SPOCK1: variants seen among roughly 807,000 people sequenced by gnomAD.
SPOCK1 encodes the protein SPARC (osteonectin), cwcv and kazal like domains proteoglycan 1.
Under a neutral mutation model 55.3 loss-of-function variants are expected in SPOCK1, and 23 were observed. That is an observed-to-expected ratio of 0.42 (90% CI 0.30 to 0.59). SPOCK1 has a LOEUF of 0.59. SPOCK1 is among the 20% of genes least tolerant of loss of function. SPOCK1 has a pLI of 0.22. For missense variants in SPOCK1, 499 were observed against 552.5 expected (o/e 0.90, Z 0.97); for synonymous variants, 226 against 221.0 (o/e 1.02, Z -0.20).
intron 3 of SPOCK1, among the ~76,000 whole-genome samples, chr5:137,158,090 AC>A: frequency 6.6e-6 from 1 of 152,222 alleles, no homozygotes; most frequent in East Asian, 1.9e-4. Flanking sequence ...TTGCCACAAA[AC>A]TTTATGGGCA....
chr5:137,484,886 T>A (rs2141481), intron 2 of SPOCK1, among the ~76,000 whole-genome samples: 59,507 of 152,008 alleles, frequency 0.39, 11,767 homozygotes, highest in East Asian at 0.46. Flanking sequence ...GAATAGCACC[T>A]TACTAAAATG....
At chr5:137,091,103 A>T (rs1580745805) in intron 5 of SPOCK1, among the ~76,000 whole-genome samples, 1 of 152,178 alleles carries the variant, frequency 6.6e-6, no homozygotes, top group African/African-American at 2.4e-5. Context: ...GAGTTGGCTA[A>T]AGAGGGTGCA....
At chr5:137,216,705 C>T (rs772413695) in intron 3 of SPOCK1, among the ~76,000 whole-genome samples, 2 of 145,848 alleles carry the variant, frequency 1.4e-5, no homozygotes, top group East Asian at 2.0e-4. Context: ...AGGAAGACTT[C>T]GTCTAAAAAA....
intron 4 of SPOCK1, among the ~76,000 whole-genome samples, chr5:137,114,917 A>T (rs1016644536): frequency 2.0e-5 from 3 of 152,258 alleles, no homozygotes; most frequent in Non-Finnish European, 2.9e-5. Flanking sequence ...ATAACCATGT[A>T]AAATGATGAC....
intron 2 of SPOCK1, among the ~76,000 whole-genome samples, chr5:137,404,293 G>A (rs1752047031): frequency 6.6e-6 from 1 of 152,188 alleles, no homozygotes; most frequent in African/African-American, 2.4e-5. Flanking sequence ...ATCATGGGCT[G>A]GTGTGCTCAA....
At chr5:137,072,092 G>A (rs1026510066) in intron 5 of SPOCK1, among the ~76,000 whole-genome samples, 10 of 152,140 alleles carry the variant, frequency 6.6e-5, no homozygotes, top group Non-Finnish European at 1.2e-4. Flanking sequence ...CAGCTCTGCT[G>A]GAAAGAAACA....
chr5:137,198,192 T>C (rs1169651143), intron 3 of SPOCK1, among the ~76,000 whole-genome samples: 1 of 152,256 alleles, frequency 6.6e-6, no homozygotes, highest in East Asian at 1.9e-4. Context: ...AGTATCAAAA[T>C]TAATCCATCA....
chr5:137,467,435 G>A (rs903453920), intron 2 of SPOCK1, among the ~76,000 whole-genome samples: 15 of 152,172 alleles, frequency 9.9e-5, no homozygotes, highest in African/African-American at 3.1e-4. Flanking sequence ...GTACCTACTT[G>A]GTGCCAAGCT....
At chr5:137,216,480 G>A (rs1755718098) in intron 3 of SPOCK1, among the ~76,000 whole-genome samples, 1 of 152,212 alleles carries the variant, frequency 6.6e-6, no homozygotes, top group Non-Finnish European at 1.5e-5. Flanking sequence ...GGAGGCCAAG[G>A]CGGGTGGATC....
intron 3 of SPOCK1, among the ~76,000 whole-genome samples, chr5:137,152,881 A>G (rs1052316908): frequency 1.3e-5 from 2 of 152,216 alleles, no homozygotes; most frequent in Non-Finnish European, 2.9e-5. Context: ...ACAAAATACC[A>G]TTCCATTCTT....
At chr5:137,021,636 T>C (rs1425543314) in intron 6 of SPOCK1, among the ~76,000 whole-genome samples, 1 of 152,208 alleles carries the variant, frequency 6.6e-6, no homozygotes, top group Non-Finnish European at 1.5e-5. Context: ...AGCCTAACTG[T>C]ATTCACAATA....
rs185243435 is a variant in SPOCK1 at position 136,992,884 on chromosome 5, C to T, written c.590-284G>A. The T allele has an allele frequency of 2.1e-4, 62 of 301,912 alleles. No homozygotes were observed. In the East Asian group the frequency reaches 3.3e-3, roughly 16 times the overall value. The allele number at this position is 301,912 out of a possible 1,614,324, so 18.7% of individuals were successfully genotyped here. A position where few individuals can be genotyped will look rare whatever the true frequency, so the allele number is the denominator to read the frequency against. Reference sequence around the variant, plus strand: ...AGTGGTCTCACCGTTGTGTAGCATCCTCAGAAGACAGACAATCACAGATCA... The same window carrying T: ...AGTGGTCTCACCGTTGTGTAGCATCTTCAGAAGACAGACAATCACAGATCA... On this transcript the variant is annotated intron_variant, in intron 6 of 10. Transcript: ENST00000394945.
chr5:137,261,846 G>A (rs891082990), intron 3 of SPOCK1, among the ~76,000 whole-genome samples: 2 of 152,158 alleles, frequency 1.3e-5, no homozygotes, highest in South Asian at 4.1e-4. Flanking sequence ...TCCTCTAGTG[G>A]AACTTCATAG....
At chr5:137,104,225 T>C (rs1424054028) in intron 5 of SPOCK1, among the ~76,000 whole-genome samples, 1 of 152,124 alleles carries the variant, frequency 6.6e-6, no homozygotes, top group Non-Finnish European at 1.5e-5. Context: ...GATCTGTTTG[T>C]TCAAAAGTGT....
At chr5:137,372,399 C>T (rs182053687) in intron 2 of SPOCK1, among the ~76,000 whole-genome samples, 10 of 152,334 alleles carry the variant, frequency 6.6e-5, no homozygotes, top group Non-Finnish European at 7.3e-5. Flanking sequence ...TGGATGCAAA[C>T]CCCTTCCTGC....
rs372326252 is a variant in SPOCK1, at chr5:137,275,764, A to G, written c.187-8709T>C. On this transcript the variant is annotated intron_variant, in intron 2 of 10. Coordinates refer to ENST00000394945, the MANE Select transcript of SPOCK1 (RefSeq NM_004598.4). ...TCTAAGAGTCTCCAGCTCATTAGAC[A>G]GCACCTCTGTCCACCTGCTGCTGAG... 1.4e-4 allele frequency among the ~76,000 whole-genome samples: 22 copies of G among 152,304 alleles called. No individual in the cohort carries two copies. The East Asian group carries it at 3.3e-3, about 23-fold the overall frequency.
intron 4 of SPOCK1, among the ~76,000 whole-genome samples, chr5:137,132,364 C>T (rs1018614984): frequency 6.6e-6 from 1 of 152,040 alleles, no homozygotes; most frequent in Non-Finnish European, 1.5e-5. Context: ...ATGGAAATCA[C>T]ACCTAGTAAT....
chr5:137,224,947 T>C (rs749194047), intron 3 of SPOCK1, among the ~76,000 whole-genome samples: 12 of 152,138 alleles, frequency 7.9e-5, no homozygotes, highest in Non-Finnish European at 1.6e-4. Context: ...ACATTTCAAG[T>C]GTAAAATAGC....
At chr5:137,258,328 G>C (rs1000195382) in intron 3 of SPOCK1, among the ~76,000 whole-genome samples, 7 of 152,326 alleles carry the variant, frequency 4.6e-5, no homozygotes, top group African/African-American at 1.4e-4. Flanking sequence ...TTCTGGGGCA[G>C]AATGAACATT....
Sources: gnomAD v4.1 joint callset for allele counts (sites outside exome capture counted in the v4.1 genomes callset) on GRCh38, gnomAD v4.1.1 for gene constraint, MANE v1.5 for transcripts, NCBI Gene and HGNC (gene_info 2026-07-23, HGNC 2026-07-21) for gene names.